The following ARHGAP27 variants were observed in gnomAD, a reference collection of about 807,000 sequenced individuals.
The protein encoded by ARHGAP27 is rho GTPase-activating protein 27.
In ARHGAP27, 53 loss-of-function variants were observed where a neutral mutation model predicts 102.0. The ratio of observed to expected loss-of-function variants is 0.52; its 90% CI spans 0.42 to 0.65. The LOEUF (loss-of-function observed/expected upper bound fraction) is 0.65, where lower values mean the gene tolerates loss of function less well. Ranked by LOEUF, ARHGAP27 falls within the 30% of genes least tolerant of loss-of-function variation. ARHGAP27 has a pLI of 0.00. For missense variants in ARHGAP27, 1,117 were observed against 1,256.2 expected, an observed-to-expected ratio of 0.89 and a Z score of 1.68; for synonymous variants, 525 against 542.8, an observed-to-expected ratio of 0.97 and a Z score of 0.46.
rs2047741403 is a variant in ARHGAP27 at position 45,410,204 on chromosome 17, G to T, written c.658-4121C>A. 5 of 1,532,730 alleles carry T rather than the reference G, an allele frequency of 3.3e-6. No homozygotes were observed. The South Asian group carries it at 4.8e-5, about 15-fold the overall frequency. The allele number at this position is 1,532,730 out of a possible 1,614,324, so 94.9% of individuals were successfully genotyped here. On this transcript the variant is annotated intron_variant, in intron 4 of 19. Transcript: ENST00000685559. The stretch of plus-strand genomic sequence containing the variant: ...CAGGGCTTGTGGTAGAGGCCCACCG[G>T]GCACCCCTTGACCCCAGCATCCCCT...
chr17:45,418,990 C>T (rs2048753434), intron 4 of ARHGAP27, among the ~76,000 whole-genome samples: 1 of 152,198 alleles, frequency 6.6e-6, no homozygotes, highest in Non-Finnish European at 1.5e-5. Context: ...CTAGGGCCCC[C>T]CCACCAAGTG....
At chr17:45,411,467 C>G (rs879524405) in intron 4 of ARHGAP27, among the ~76,000 whole-genome samples, 2 of 152,062 alleles carry the variant, frequency 1.3e-5, no homozygotes, top group Non-Finnish European at 2.9e-5. Flanking sequence ...TGCCATGTCT[C>G]TCAGCCCCTC....
At chr17:45,395,937 C>T in intron 18 of ARHGAP27, 46 bp downstream of exon 18, 1 of 1,571,160 alleles carries the variant, frequency 6.4e-7, no homozygotes, top group African/African-American at 1.3e-5. Context: ...AAGGGGTGCC[C>T]CGCCACGCCC....
chr17:45,396,178 C>T (rs1389753759), intron 17 of ARHGAP27, 29 bp downstream of exon 17: 1 of 1,595,640 alleles, frequency 6.3e-7, no homozygotes, highest in Admixed American at 1.7e-5. Flanking sequence ...CCTTCAGGCC[C>T]TGGGGCAGGG....
chr17:45,429,569 GGCGCGGTCCCTA>G, intron 4 of ARHGAP27, 42 bp downstream of exon 4: 1 of 1,576,470 alleles, frequency 6.3e-7, no homozygotes, highest in South Asian at 1.1e-5. Context: ...GCTCCGTGCG[GGCGCGGTCCCTA>G]GCGCGCCACC....
At position 45,396,727 on chromosome 17, in the gene ARHGAP27, C is replaced by CGGAGCTTGT. The variant is rs776302031; in HGVS notation, c.2006_2014dup (p.His669_Leu671dup). 1.2e-6 allele frequency: 2 copies of CGGAGCTTGT among 1,613,844 alleles called. No individual in the cohort carries two copies. The highest frequency in any genetic ancestry group is 1.7e-6 in the Non-Finnish European group (2 of 1,179,804). ...TGTGGGCCGCCTCTGGAGGAACTTG[C>CGGAGCTTGT]GGAGCTTGTGCCGGACCTTGCTCAA... On this transcript the variant is annotated inframe_insertion, in exon 15 of 20. Transcript: ENST00000685559.
chr17:45,420,812 G>C (rs1235588770), intron 4 of ARHGAP27, among the ~76,000 whole-genome samples: 1 of 151,756 alleles, frequency 6.6e-6, no homozygotes, highest in Non-Finnish European at 1.5e-5. Context: ...AAATTAGCCG[G>C]GCATGTTGGG....
In ARHGAP27 at chr17:45,430,103, C is replaced by T. The variant is rs1393760754; in HGVS notation, c.177G>A (p.Leu59=). 10 of 1,513,034 alleles carry T rather than the reference C, an allele frequency of 6.6e-6. No individual in the cohort carries two copies. Among genetic ancestry groups the T allele is most frequent in the East Asian group, 2.5e-5 (1 of 39,782 alleles). 93.7% of individuals were successfully genotyped at this position (1,513,034 alleles called of 1,614,324 possible). ...GCAGCTCGCGCACGTACTGCGCAGG[C>T]AGGTAGAAGGGGCGGCCGCCGGGCT... ...RREPGGRPFY[L]PAQYVRELPA... The change falls in exon 4 of 20, where the codon CTG becomes CTA. Residue 59 remains leucine (L), a synonymous_variant. Transcript: ENST00000685559. The surrounding 1 kb of genome is among the most constrained non-coding windows in gnomAD (Gnocchi z 4.4).
chr17:45,396,713 T>C lies in ARHGAP27; in HGVS notation c.2029A>G (p.Arg677Gly). The change falls in exon 15 of 20, where the codon AGG becomes GGG. Residue 677 changes from arginine (R) to glycine (G), a missense_variant. This residue lies in a region of ARHGAP27 where 493 missense variants were observed against 505.5 expected (regional missense o/e 0.98). Transcript: ENST00000685559. Reference protein sequence around the residue: ...VRHKLRKFLQRRPTLQSLREK... With the variant: ...VRHKLRKFLQGRPTLQSLREK... The stretch of plus-strand genomic sequence containing the variant: ...CGCAGCGACTGCAGTGTGGGCCGCC[T>C]CTGGAGGAACTTGCGGAGCTTGTGC... The C allele has an allele frequency of 6.2e-7, 1 of 1,613,830 alleles. No homozygotes were observed. The highest frequency in any genetic ancestry group is 8.5e-7 in the Non-Finnish European group (1 of 1,179,784).
intron 4 of ARHGAP27, among the ~76,000 whole-genome samples, chr17:45,423,086 CAGG>C (rs1397151613): frequency 6.6e-6 from 1 of 152,106 alleles, no homozygotes; most frequent in African/African-American, 2.4e-5. Context: ...GAGGCTGAGG[CAGG>C]AGAATCACTT....
intron 4 of ARHGAP27, chr17:45,410,483 G>C (rs1344375215): frequency 7.9e-7 from 1 of 1,266,992 alleles, no homozygotes; most frequent in Admixed American, 3.5e-5. Flanking sequence ...GGGTGGAGGG[G>C]CCTCAGGTTG....
At chr17:45,425,594 GCCCCGGGCT>G (rs2049518804) in intron 4 of ARHGAP27, 3 of 985,450 alleles carry the variant, frequency 3.0e-6, no homozygotes, top group South Asian at 9.4e-5. Context: ...AGGAATGAGG[GCCCCGGGCT>G]CCTTCCAGTC....
At chr17:45,409,425 G>C (rs1001656585) in intron 4 of ARHGAP27, 2 of 152,358 alleles carry the variant, frequency 1.3e-5, no homozygotes, top group African/African-American at 2.4e-5. Flanking sequence ...CTGTCACAAG[G>C]AAGAGAAGAT....
intron 9 of ARHGAP27, 40 bp downstream of exon 9, chr17:45,404,229 C>T (rs759771393): frequency 3.8e-5 from 61 of 1,612,898 alleles, no homozygotes; most frequent in Non-Finnish European, 5.0e-5. Context: ...CCCTCCTCGC[C>T]AGCACCACCA....
intron 12 of ARHGAP27, among the ~76,000 whole-genome samples, chr17:45,399,462 C>T (rs1261452239): frequency 2.0e-5 from 3 of 151,780 alleles, no homozygotes; most frequent in Non-Finnish European, 2.9e-5. Context: ...CCTGGTGGCA[C>T]GCACCTGTAG....
At chr17:45,405,189 C>G in intron 5 of ARHGAP27, 83 bp from the exon 6 acceptor site, 3 of 1,432,028 alleles carry the variant, frequency 2.1e-6, no homozygotes, top group East Asian at 2.4e-5. Flanking sequence ...AGGCCCACCC[C>G]CTTGCCTTCT....
Position 45,404,510 on chromosome 17 carries a change from G to A in ARHGAP27, c.1348C>T (p.Arg450Ter), listed in dbSNP as rs1215692427. The A allele has an allele frequency of 3.1e-6, 5 of 1,613,490 alleles. No individual in the cohort carries two copies. The highest frequency in any genetic ancestry group is 4.2e-6 in the Non-Finnish European group (5 of 1,179,818). ...ELPQVPVPAP[R>*]SIHKSSQDGD... ...TCCTGGCTGGATTTATGGATGCTTCGAGGGGCAGGGACAGGGACCTGGGGA... is the reference window on the plus strand; with the variant it reads ...TCCTGGCTGGATTTATGGATGCTTCAAGGGGCAGGGACAGGGACCTGGGGA... The change falls in exon 8 of 20, where the codon CGA becomes TGA. Residue 450 changes from arginine (R) to a stop codon, truncating the protein, a stop_gained. Coordinates refer to ENST00000685559, the MANE Select transcript of ARHGAP27 (RefSeq NM_001282290.2). LOFTEE classifies it high-confidence loss of function.
rs1393815569 is a variant in ARHGAP27 at position 45,403,610 on chromosome 17, T to C, written c.1638+9A>G. 1 of 1,609,454 alleles carries C rather than the reference T, an allele frequency of 6.2e-7. No homozygotes were observed. Among genetic ancestry groups the C allele is most frequent in the Admixed American group, 1.7e-5 (1 of 59,538 alleles). The stretch of plus-strand genomic sequence containing the variant: ...TGGGATGGTCCCTGCCCTGAGGGCC[T>C]GGCCTTACCAGGCCGCCTGCAGCCG... On this transcript the variant is annotated intron_variant, in intron 11 of 19. Coordinates refer to ENST00000685559, the MANE Select transcript of ARHGAP27 (RefSeq NM_001282290.2).
chr17:45,416,069 G>A (rs1264615329), intron 4 of ARHGAP27, among the ~76,000 whole-genome samples: 4 of 150,758 alleles, frequency 2.7e-5, no homozygotes, highest in African/African-American at 4.9e-5. Flanking sequence ...TTTTTGAGAC[G>A]GAGTCTGGCT....
Sources: allele counts gnomAD v4.1 joint callset (sites outside exome capture counted in the v4.1 genomes callset), GRCh38; gene constraint gnomAD v4.1.1; regional missense constraint gnomAD v4.1.1; non-coding constraint Gnocchi (gnomAD v3.1); transcripts MANE v1.5; gene names NCBI Gene and HGNC (gene_info 2026-07-23, HGNC 2026-07-21).